Variants in TARBP1 observed in about 807,000 individuals in gnomAD.
TARBP1 encodes the protein tRNA guanosine 2 -O-methyltransferase TARBP1.
In TARBP1, 144 loss-of-function variants were observed where a neutral mutation model predicts 178.6. The observed-to-expected ratio is 0.81, with a 90% confidence interval of 0.70 to 0.93. TARBP1 has a LOEUF of 0.93. Ranked by LOEUF, TARBP1 falls within the 40% of genes least tolerant of loss-of-function variation. TARBP1 has a pLI of 0.00. For missense variants in TARBP1, 2,067 were observed against 2,011.7 expected, an observed-to-expected ratio of 1.03 and a Z score of -0.53; for synonymous variants, 787 against 781.0, an observed-to-expected ratio of 1.01 and a Z score of -0.13.
chr1:234,427,946 TAATAAA>T lies in TARBP1; in HGVS notation c.3061-186_3061-181del, dbSNP rs149903753. Among the ~76,000 whole-genome samples, 770 of 152,328 alleles carry T rather than the reference TAATAAA, an allele frequency of 5.1e-3. 3 individuals are homozygous for T. Among genetic ancestry groups the T allele is most frequent in the African/African-American group, 0.017 (692 of 41,592 alleles). ...CAGAGAATGCTATTTCATCTCTTGA[TAATAAA>T]AATAAATAAAATTTTACTGATAGTG... On this transcript the variant is annotated intron_variant, in intron 17 of 29. Coordinates refer to ENST00000040877, the MANE Select transcript of TARBP1 (RefSeq NM_005646.4).
chr1:234,444,285 C>G (rs1998397), intron 12 of TARBP1, among the ~76,000 whole-genome samples: 1 of 152,016 alleles, frequency 6.6e-6, no homozygotes, highest in South Asian at 2.1e-4. Context: ...AAGCAGTATA[C>G]TGAAGGCTCA....
chr1:234,429,485 T>G lies in TARBP1; in HGVS notation c.2802A>C (p.Glu934Asp), dbSNP rs780258344. 6.2e-7 allele frequency: 1 copy of G among 1,614,206 alleles called. No homozygotes were observed. Among genetic ancestry groups the G allele is most frequent in the Non-Finnish European group, 8.5e-7 (1 of 1,180,040 alleles). ...GATCAGAAGAAAGAACTGTGAGGGC[T>G]TCTAGTGCAGACTGCAAAGTCCTTA... ...MPIRTLQSAL[E>D]ALTVLSSDQV... Residue 934 changes from glutamate to aspartate, a missense_variant, in exon 16 of 30, where the codon GAA becomes GAC. Transcript: ENST00000040877.
In TARBP1 at chr1:234,425,709, C is replaced by A. The variant is rs184971884; in HGVS notation, c.3408G>T (p.Leu1136Phe). 38 of 1,612,178 alleles carry A rather than the reference C, an allele frequency of 2.4e-5. No individual in the cohort carries two copies. In the Admixed American group the frequency reaches 4.0e-4, roughly 17 times the overall value. Residue 1136 changes from leucine to phenylalanine, a missense_variant, in exon 20 of 30, where the codon TTG becomes TTT. By Grantham distance (22) the Leu-to-Phe change is conservative. Coordinates refer to ENST00000040877, the MANE Select transcript of TARBP1 (RefSeq NM_005646.4). Reference protein sequence around the residue: ...LLDGSNMSHKLFIEDLAIKLL... With the variant: ...LLDGSNMSHKFFIEDLAIKLL... ...GCTTGATTGCAAGATCCTCAATAAACAACTTGTGGGACATATTGGAGCCAT... is the reference window on the plus strand; with the variant it reads ...GCTTGATTGCAAGATCCTCAATAAAAAACTTGTGGGACATATTGGAGCCAT...
intron 22 of TARBP1, among the ~76,000 whole-genome samples, chr1:234,414,956 T>A (rs1662251451): frequency 6.6e-6 from 1 of 151,680 alleles, no homozygotes; most frequent in Non-Finnish European, 1.5e-5. Flanking sequence ...TGCACTCCAG[T>A]CTGGGCGACA....
chr1:234,403,777 G>C (rs569219951), intron 24 of TARBP1, among the ~76,000 whole-genome samples: 154 of 152,110 alleles, frequency 1.0e-3, no homozygotes, highest in African/African-American at 3.4e-3. Context: ...TCCACCTCCC[G>C]GGTTCAAGAG....
At chr1:234,425,394 T>C (rs1479963963) in intron 20 of TARBP1, among the ~76,000 whole-genome samples, 1 of 152,184 alleles carries the variant, frequency 6.6e-6, no homozygotes, top group Non-Finnish European at 1.5e-5. Context: ...TTCTTTTTTT[T>C]CTTTTTGTAG....
chr1:234,408,377 T>G (rs1264934294), intron 23 of TARBP1, among the ~76,000 whole-genome samples: 1 of 151,996 alleles, frequency 6.6e-6, no homozygotes, highest in African/African-American at 2.4e-5. Context: ...TGGGAGAAAC[T>G]TAGTTTAGTT....
At chr1:234,422,986 A>T (rs1192238542) in intron 20 of TARBP1, among the ~76,000 whole-genome samples, 1 of 152,208 alleles carries the variant, frequency 6.6e-6, no homozygotes, top group Non-Finnish European at 1.5e-5. Context: ...GGGCTCATTA[A>T]AACAGAGTGC....
At position 234,460,355 on chromosome 1, in the gene TARBP1, G is replaced by T; in HGVS notation, c.1441C>A (p.His481Asn). The T allele has an allele frequency of 6.2e-7, 1 of 1,614,158 alleles. No homozygotes were observed. Among genetic ancestry groups the T allele is most frequent in the African/African-American group, 1.3e-5 (1 of 75,046 alleles). ...AACAAAATGGGAACAGCACACCAAT[G>T]CCTACTTGTCATCTTCCGAATAAAC... is the stretch of plus-strand genomic sequence containing the variant. ...LKFIRKMTSR[H>N]WCAVPILFLS... Residue 481 changes from histidine (H) to asparagine (N), a missense_variant, in exon 7 of 30, where the codon CAT (histidine) becomes AAT (asparagine). Transcript: ENST00000040877.
intron 24 of TARBP1, among the ~76,000 whole-genome samples, chr1:234,403,266 G>C (rs1000370334): frequency 8.5e-5 from 13 of 152,210 alleles, no homozygotes; most frequent in Admixed American, 3.9e-4. Context: ...AAATCAAGTG[G>C]GGCTGGCCGT....
At position 234,420,747 on chromosome 1, in the gene TARBP1, G is replaced by A. The variant is rs1373362704; in HGVS notation, c.3510C>T (p.Asn1170=). Reference sequence around the variant, plus strand: ...GTACCAGCAGAGTCTGCCACACTCGGTTTTTCACTCTGTGCTGTAGAGAAT... The same window carrying A: ...GTACCAGCAGAGTCTGCCACACTCGATTTTTCACTCTGTGCTGTAGAGAAT... ...YVNSLQHRVK[N]RVWQTLLVLF... The change falls in exon 21 of 30, where the codon AAC becomes AAT. Residue 1170 remains asparagine, a synonymous_variant. Coordinates refer to ENST00000040877, the MANE Select transcript of TARBP1 (RefSeq NM_005646.4). The A allele has an allele frequency of 6.2e-7, 1 of 1,612,984 alleles. No individual in the cohort carries two copies. The highest frequency in any genetic ancestry group is 1.3e-5 in the African/African-American group (1 of 75,002).
chr1:234,405,203 C>A (rs1215836840), intron 24 of TARBP1: 1 of 151,738 alleles, frequency 6.6e-6, no homozygotes, highest in Non-Finnish European at 1.5e-5. Flanking sequence ...TTGCCTGTGT[C>A]TCTAAAATTT....
chr1:234,393,285 A>T, intron 28 of TARBP1, 77 bp downstream of exon 28: 1 of 1,321,936 alleles, frequency 7.6e-7, no homozygotes, highest in Non-Finnish European at 9.8e-7. Flanking sequence ...ACTTTTTTTT[A>T]AACTTTTATT....
rs143570807 is a variant in TARBP1, at chr1:234,473,584, A to T, written c.932-773T>A. ...CCAGGCCCTCACTATGCATCAGACA[A>T]CTGGAAGATGTTCTCTGCAGAATCT... On this transcript the variant is annotated intron_variant, in intron 1 of 29. Transcript: ENST00000040877. Among the ~76,000 whole-genome samples, 37 of 152,342 alleles carry T rather than the reference A, an allele frequency of 2.4e-4. No individual in the cohort carries two copies. The East Asian group carries it at 7.1e-3, about 29-fold the overall frequency.
At chr1:234,448,666 C>T (rs1558224131) in intron 10 of TARBP1, 87 bp from the exon 11 acceptor site, 1 of 937,296 alleles carries the variant, frequency 1.1e-6, no homozygotes, top group Admixed American at 2.2e-5. Context: ...ATGATTATGC[C>T]TTATTAATAT....
Position 234,459,357 on chromosome 1 carries a change from G to A in TARBP1, c.1536-31C>T, listed in dbSNP as rs188609238. The A allele has an allele frequency of 1.2e-3, 1,771 of 1,507,572 alleles. 2 individuals are homozygous for A. Among genetic ancestry groups the A allele is most frequent in the South Asian group, 2.2e-3 (188 of 84,202 alleles). The allele number at this position is 1,507,572 out of a possible 1,614,324, so 93.4% of individuals were successfully genotyped here. On this transcript the variant is annotated intron_variant, in intron 7 of 29. Coordinates refer to ENST00000040877, the MANE Select transcript of TARBP1 (RefSeq NM_005646.4). ...ATCGAAACACAAAAAATGCAGTTCC[G>A]TATTCCCAAAGACAATTCTGATAAT...
rs184310445 is a variant in TARBP1, at chr1:234,432,314, C to T, written c.2394+1096G>A. Among the ~76,000 whole-genome samples the T allele has an allele frequency of 1.2e-3, 187 of 152,120 alleles. 3 individuals are homozygous for T. The highest frequency in any genetic ancestry group is 4.1e-3 in the African/African-American group (172 of 41,478). ...AAAATTAGCCGGGCATGGTGGCACA[C>T]GCCTGTAGTCCCAGCTACTCGGGAG... On this transcript the variant is annotated intron_variant, in intron 14 of 29. Transcript: ENST00000040877.
chr1:234,459,972 T>TA (rs1193882023), intron 7 of TARBP1, among the ~76,000 whole-genome samples: 1 of 152,226 alleles, frequency 6.6e-6, no homozygotes, highest in Non-Finnish European at 1.5e-5. Context: ...GCTTTCTACT[T>TA]ACGAATGTAA....
Position 234,467,392 on chromosome 1 carries a change from T to C in TARBP1, c.1248+110A>G. 5.3e-6 allele frequency: 6 copies of C among 1,123,700 alleles called. No individual in the cohort carries two copies. The South Asian group carries it at 8.6e-5, about 16-fold the overall frequency. 69.6% of individuals were successfully genotyped at this position (1,123,700 alleles called of 1,614,324 possible). ...GAAAGCTGGGTTTAGAGAAATATGA[T>C]TTGTTGGATGCAAATCTCCAAAATG... On this transcript the variant is annotated intron_variant, in intron 4 of 29. Coordinates refer to ENST00000040877, the MANE Select transcript of TARBP1 (RefSeq NM_005646.4).
Sources: allele counts gnomAD v4.1 joint callset (sites outside exome capture counted in the v4.1 genomes callset), GRCh38; gene constraint gnomAD v4.1.1; transcripts MANE v1.5; gene names NCBI Gene and HGNC (gene_info 2026-07-23, HGNC 2026-07-21).